The following DGCR2 variants were observed in gnomAD, a reference collection of about 807,000 sequenced individuals.
DGCR2 encodes the protein DiGeorge syndrome critical region gene 2, also known as integral membrane protein DGCR2/IDD.
DGCR2 carries 24 observed loss-of-function variants against 51.6 expected under a neutral mutation model. The ratio of observed to expected loss-of-function variants is 0.47; its 90% CI spans 0.34 to 0.65. The LOEUF (loss-of-function observed/expected upper bound fraction) is 0.65. Among genes scored for constraint, DGCR2 ranks in the 30% least tolerant of loss-of-function variants. The pLI, the probability that DGCR2 is intolerant of heterozygous loss-of-function variation, is 0.01. For synonymous variants in DGCR2, 340 were observed against 315.4 expected (o/e 1.08, Z -0.82); for missense variants, 765 against 772.1 (o/e 0.99, Z 0.11).
intron 1 of DGCR2, among the ~76,000 whole-genome samples, chr22:19,096,632 GGAAAAA>G (rs1569080002): frequency 6.6e-6 from 1 of 151,510 alleles, no homozygotes; most frequent in East Asian, 1.9e-4. Context: ...GCAGGAAAAA[GGAAAAA>G]AAAAGCCTTC....
intron 6 of DGCR2, 48 bp from the exon 7 acceptor site, chr22:19,048,691 G>A: frequency 6.3e-7 from 1 of 1,595,056 alleles, no homozygotes; most frequent in Non-Finnish European, 8.6e-7. Flanking sequence ...GCCAAAAAAG[G>A]TAGCCTCCCC....
intron 7 of DGCR2, among the ~76,000 whole-genome samples, chr22:19,043,319 C>G (rs715598): frequency 0.27 from 41,188 of 152,158 alleles, 7,006 homozygotes; most frequent in African/African-American, 0.49. Flanking sequence ...AATGTCAACA[C>G]CGCCAAGAGG....
chr22:19,094,106 A>G (rs2083111659), intron 1 of DGCR2, among the ~76,000 whole-genome samples: 1 of 152,266 alleles, frequency 6.6e-6, no homozygotes, highest in Admixed American at 6.5e-5. Flanking sequence ...AAGATGCTCA[A>G]CGTCTAGTCA....
intron 1 of DGCR2, among the ~76,000 whole-genome samples, chr22:19,105,824 T>C (rs1397584341): frequency 1.3e-5 from 2 of 152,100 alleles, no homozygotes; most frequent in Non-Finnish European, 2.9e-5. Flanking sequence ...ACAAACTCCC[T>C]GCCTTCTCTA....
chr22:19,041,055 C>T lies in DGCR2; in HGVS notation c.1396+3G>A, dbSNP rs556579889. ...TGTTCCCTCTCCCTGGGGAGTCAGGCACCTGCAGGGTCATAGAACACACTG... is the reference window on the plus strand; with the variant it reads ...TGTTCCCTCTCCCTGGGGAGTCAGGTACCTGCAGGGTCATAGAACACACTG... On this transcript the variant is annotated splice_donor_region_variant and intron_variant, in intron 9 of 9. Transcript: ENST00000263196. The T allele has an allele frequency of 1.3e-6, 2 of 1,578,888 alleles. No individual in the cohort carries two copies. Among genetic ancestry groups the T allele is most frequent in the African/African-American group, 2.7e-5 (2 of 74,450 alleles).
chr22:19,043,883 C>T (rs1408981878), intron 7 of DGCR2, among the ~76,000 whole-genome samples: 1 of 152,156 alleles, frequency 6.6e-6, no homozygotes, highest in African/African-American at 2.4e-5. Flanking sequence ...TTTTTGCTGA[C>T]GACACATGAA....
chr22:19,119,145 C>T (rs928496963), intron 1 of DGCR2, among the ~76,000 whole-genome samples: 1 of 152,172 alleles, frequency 6.6e-6, no homozygotes, highest in Non-Finnish European at 1.5e-5. Context: ...TGTGGCTCCA[C>T]CTGGGGTTAA....
intron 1 of DGCR2, among the ~76,000 whole-genome samples, chr22:19,111,565 C>G (rs2083314314): frequency 6.6e-6 from 1 of 152,172 alleles, no homozygotes; most frequent in South Asian, 2.1e-4. Context: ...ACAGACCTAC[C>G]ACCTGCCTCA....
rs1388857401 is a variant in DGCR2, at chr22:19,063,271, C to T, written c.556G>A (p.Val186Ile). The T allele has an allele frequency of 1.9e-6, 3 of 1,614,004 alleles. No homozygotes were observed. The African/African-American group carries it at 4.0e-5, about 22-fold the overall frequency. ...CCAGTGATAACATACTGATAGCCAACCCACAACCTGCAGGGCACAGAGACA... is the reference window on the plus strand; with the variant it reads ...CCAGTGATAACATACTGATAGCCAATCCACAACCTGCAGGGCACAGAGACA... ...FGWKDQRKLW[V>I]GYQYVITGRN... The change falls in exon 5 of 10, where the codon GTT (valine) becomes ATT (isoleucine). Residue 186 changes from valine (V) to isoleucine (I), a missense_variant. By Grantham distance (29) the Val-to-Ile change is conservative (BLOSUM62 3). Around this residue, in one of 3 missense-constraint regions of DGCR2, gnomAD observed 370 missense variants for 325.5 expected, o/e 1.14. Coordinates refer to ENST00000263196, the MANE Select transcript of DGCR2 (RefSeq NM_005137.3).
At chr22:19,115,504 C>A (rs1015321848) in intron 1 of DGCR2, among the ~76,000 whole-genome samples, 4 of 152,246 alleles carry the variant, frequency 2.6e-5, no homozygotes, top group Admixed American at 6.5e-5. Context: ...TGCAGGACTG[C>A]CACAAGGCTC....
At chr22:19,086,710 G>A (rs1569073554) in intron 2 of DGCR2, among the ~76,000 whole-genome samples, 2 of 152,086 alleles carry the variant, frequency 1.3e-5, no homozygotes, top group Non-Finnish European at 1.5e-5. Flanking sequence ...GCCACCACTC[G>A]TAACTTTCGG....
intron 7 of DGCR2, 31 bp downstream of exon 7, chr22:19,048,409 C>G: frequency 3.7e-6 from 6 of 1,611,992 alleles, no homozygotes; most frequent in Middle Eastern, 1.7e-4. Context: ...AATAGGGAGG[C>G]TGACTTGGGA....
chr22:19,067,090 G>C (rs1047577801), intron 3 of DGCR2, among the ~76,000 whole-genome samples: 2 of 152,184 alleles, frequency 1.3e-5, no homozygotes, highest in African/African-American at 2.4e-5. Flanking sequence ...TGGCCACCCA[G>C]GGTTGGTGGG....
Position 19,113,089 on chromosome 22 carries a change from G to A in DGCR2, c.79+9039C>T, listed in dbSNP as rs138745103. 9.8e-4 allele frequency among the ~76,000 whole-genome samples: 101 copies of A among 103,468 alleles called. 9 individuals are homozygous for A. Among genetic ancestry groups the A allele is most frequent in the African/African-American group, 3.2e-3 (95 of 29,512 alleles). 67.9% of individuals were successfully genotyped at this position (103,468 alleles called of 152,430 possible). A position where few individuals can be genotyped will look rare whatever the true frequency, so the allele number is the denominator to read the frequency against. ...TGGATTAGAACTAAAGAAACAGTAT[G>A]GGCCAGGCACAGTGGCTCACGGCTG... On this transcript the variant is annotated intron_variant, in intron 1 of 9. Transcript: ENST00000263196.
chr22:19,049,826 CAAAA>C lies in DGCR2; in HGVS notation c.803-1187_803-1184del, dbSNP rs538842818. ...TGGGCGACAGCATGAGACTCTGTCTCAAAAAAAAAAAAAAAAAAAGATTGGGATC... is the reference window on the plus strand; with the variant it reads ...TGGGCGACAGCATGAGACTCTGTCTCAAAAAAAAAAAAAAAGATTGGGATC... On this transcript the variant is annotated intron_variant, in intron 6 of 9. Transcript: ENST00000263196. Among the ~76,000 whole-genome samples the C allele has an allele frequency of 1.3e-3, 138 of 110,264 alleles. 1 individual carries two copies. Among genetic ancestry groups the C allele is most frequent in the African/African-American group, 4.1e-3 (130 of 31,456 alleles). 72.3% of individuals were successfully genotyped at this position (110,264 alleles called of 152,430 possible). A position where few individuals can be genotyped will look rare whatever the true frequency, so the allele number is the denominator to read the frequency against.
chr22:19,122,388 C>G lies in DGCR2; in HGVS notation c.-182G>C, dbSNP rs377604296. On this transcript the variant is annotated 5_prime_UTR_variant, in exon 1 of 10. Transcript: ENST00000263196. ...GCACACTCTCGGCTGCAACCTCAGG[C>G]ACCGACTCCAGCTGCGCGCAAGATG... 126 of 454,434 alleles carry G rather than the reference C, an allele frequency of 2.8e-4. 3 individuals are homozygous for G. The South Asian group carries it at 3.4e-3, about 12-fold the overall frequency. 28.2% of individuals were successfully genotyped at this position (454,434 alleles called of 1,614,324 possible).
At position 19,041,181 on chromosome 22, in the gene DGCR2, G is replaced by C. The variant is rs200680732; in HGVS notation, c.1273C>G (p.His425Asp). The change falls in exon 9 of 10, where the codon CAT (histidine) becomes GAT (aspartate). Residue 425 changes from histidine to aspartate, a missense_variant. His to Asp is a moderately conservative substitution (Grantham distance 81). Coordinates refer to ENST00000263196, the MANE Select transcript of DGCR2 (RefSeq NM_005137.3). ...LSDDGEGGTF[H>D]FHDPPPPYTA... ...TAGGGAGGTGGAGGGTCGTGGAAAT[G>C]GAAAGTCCCACCCTCTCCGTCGTCA... is the stretch of plus-strand genomic sequence containing the variant. The C allele has an allele frequency of 4.3e-5, 70 of 1,613,936 alleles. No homozygotes were observed. The highest frequency in any genetic ancestry group is 1.7e-4 in the Middle Eastern group (1 of 6,060).
Position 19,036,565 on chromosome 22 carries a change from G to C in DGCR2, c.*2300C>G, listed in dbSNP as rs1261423025. 6.6e-6 allele frequency: 1 copy of C among 152,384 alleles called. No individual in the cohort carries two copies. Among genetic ancestry groups the C allele is most frequent in the African/African-American group, 2.4e-5 (1 of 41,426 alleles). 9.4% of individuals were successfully genotyped at this position (152,384 alleles called of 1,614,324 possible). ...GGACTTGCTGGTCAGACTGGGGACT[G>C]CAGCAGGCCTTGCAAAGGGGGCATT... On this transcript the variant is annotated 3_prime_UTR_variant, in exon 10 of 10. Coordinates refer to ENST00000263196, the MANE Select transcript of DGCR2 (RefSeq NM_005137.3).
rs1036485589 is a variant in DGCR2 at position 19,038,908 on chromosome 22, C to G, written c.1610G>C (p.Gly537Ala). 6 of 1,612,700 alleles carry G rather than the reference C, an allele frequency of 3.7e-6. No homozygotes were observed. The highest frequency in any genetic ancestry group is 1.6e-4 in the Middle Eastern group (1 of 6,082). Residue 537 changes from glycine to alanine, a missense_variant, in exon 10 of 10, where the codon GGG becomes GCG. Gly to Ala is a moderately conservative substitution (Grantham distance 60). This residue lies in a region of DGCR2 where 205 missense variants were observed against 181.4 expected (regional missense o/e 1.13). Coordinates refer to ENST00000263196, the MANE Select transcript of DGCR2 (RefSeq NM_005137.3). ...GSTPAAEALP[G>A]GGRHSRSSLN... is the part of the protein sequence containing the mutation. ...GGAGCTGCGGCTGTGGCGGCCACCC[C>G]CTGGCAGTGCCTCTGCAGCTGGGGT...
Sources: gnomAD v4.1 joint callset for allele counts (sites outside exome capture counted in the v4.1 genomes callset) on GRCh38, gnomAD v4.1.1 for gene constraint, gnomAD v4.1.1 regional missense constraint, MANE v1.5 for transcripts, NCBI Gene and HGNC (gene_info 2026-07-23, HGNC 2026-07-21) for gene names.